The following SLC9A5 variants were observed in gnomAD, a reference collection of about 807,000 sequenced individuals.
The protein encoded by SLC9A5 is sodium/hydrogen exchanger 5.
In SLC9A5, 52 loss-of-function variants were observed where a neutral mutation model predicts 91.7. The observed-to-expected ratio is 0.57, with a 90% CI of 0.45 to 0.71. SLC9A5 has a LOEUF of 0.71. Ranked by LOEUF, SLC9A5 falls within the 30% of genes least tolerant of loss-of-function variation. The pLI is 0.00. For synonymous variants in SLC9A5, 419 were observed against 474.5 expected (o/e 0.88, Z 1.52); for missense variants, 871 against 1,158.9 (o/e 0.75, Z 3.61).
Position 67,266,175 on chromosome 16 carries a change from T to C in SLC9A5, c.2168T>C (p.Ile723Thr). The change falls in exon 15 of 16, where the codon ATC becomes ACC. Residue 723 changes from isoleucine (I) to threonine (T), a missense_variant. Transcript: ENST00000299798. Reference protein sequence around the residue: ...ETEKEDDEGIIFVARATSEVL... With the variant: ...ETEKEDDEGITFVARATSEVL... ...GAGAAGGAGGACGATGAGGGGATCA[T>C]CTTTGTGGCTCGTGCCACCAGTGAG... 1.9e-6 allele frequency: 3 copies of C among 1,609,880 alleles called. No homozygotes were observed. The highest frequency in any genetic ancestry group is 2.5e-6 in the Non-Finnish European group (3 of 1,178,138).
Position 67,255,712 on chromosome 16 carries a change from T to C in SLC9A5, c.734-41T>C. 1.3e-6 allele frequency: 2 copies of C among 1,521,692 alleles called. No homozygotes were observed. Among genetic ancestry groups the C allele is most frequent in the Non-Finnish European group, 1.8e-6 (2 of 1,130,610 alleles). The allele number at this position is 1,521,692 out of a possible 1,614,324, so 94.3% of individuals were successfully genotyped here. On this transcript the variant is annotated intron_variant, in intron 4 of 15. Coordinates refer to ENST00000299798, the MANE Select transcript of SLC9A5 (RefSeq NM_004594.3). This position sits in a 1 kb window ranked among gnomAD's most constrained non-coding sequence, Gnocchi z 4.9. ...AGCAGTCTTGTCAGCCCGGGTAGGG[T>C]CCGGGCCAGGGGTCATGCTGACAAC... is the stretch of plus-strand genomic sequence containing the variant.
At chr16:67,265,962 G>T in intron 14 of SLC9A5, 126 bp from the exon 15 acceptor site, 1 of 1,266,510 alleles carries the variant, frequency 7.9e-7, no homozygotes, top group East Asian at 2.7e-5. Context: ...ACAGCCAGAG[G>T]AGAAAGCAAG....
At chr16:67,263,577 G>A (rs1041956304) in intron 12 of SLC9A5, 1 of 152,362 alleles carries the variant, frequency 6.6e-6, no homozygotes, top group African/African-American at 2.4e-5. Context: ...TTGAGGTCAG[G>A]AGTTCGAGAC....
chr16:67,269,546 C>A (rs1033508874), intron 15 of SLC9A5, among the ~76,000 whole-genome samples: 2 of 152,180 alleles, frequency 1.3e-5, no homozygotes, highest in African/African-American at 2.4e-5. Context: ...CCAAAGAATT[C>A]ATTCCCTAGC....
Position 67,257,295 on chromosome 16 carries a change from C to T in SLC9A5, c.1336-50C>T, listed in dbSNP as rs377452530. On this transcript the variant is annotated intron_variant, in intron 7 of 15. Transcript: ENST00000299798. This position sits in a 1 kb window ranked among gnomAD's most constrained non-coding sequence, Gnocchi z 5.1. ...CCTCATTACGGGGAGAGAAAGGCAG[C>T]AGGGAACTGAATAGGAATAGGGCAG... 110 of 1,507,512 alleles carry T rather than the reference C, an allele frequency of 7.3e-5. No homozygotes were observed. The highest frequency in any genetic ancestry group is 9.8e-5 in the Non-Finnish European group (106 of 1,083,778). The allele number at this position is 1,507,512 out of a possible 1,614,324, so 93.4% of individuals were successfully genotyped here.
chr16:67,252,560 A>C lies in SLC9A5; in HGVS notation c.206A>C (p.Lys69Thr). ...ATTGCAGTGTTTCACCTGTCTCGGA[A>C]AGTAACATCTCTGGTCCCTGAGAGC... ...LAKIVFHLSR[K>T]VTSLVPESCL... The change falls in exon 2 of 16, where the codon AAA (lysine) becomes ACA (threonine). Residue 69 changes from lysine (K) to threonine (T), a missense_variant. Around this residue, in one of 3 missense-constraint regions of SLC9A5, gnomAD observed 122 missense variants for 114.5 expected, o/e 1.07. Coordinates refer to ENST00000299798, the MANE Select transcript of SLC9A5 (RefSeq NM_004594.3). The surrounding 1 kb of genome is among the most constrained non-coding windows in gnomAD (Gnocchi z 4.0). The C allele has an allele frequency of 1.9e-6, 3 of 1,612,870 alleles. No homozygotes were observed. The highest frequency in any genetic ancestry group is 2.5e-6 in the Non-Finnish European group (3 of 1,179,416).
rs2035353540 is a variant in SLC9A5, at chr16:67,257,249, G to A, written c.1336-96G>A. The A allele has an allele frequency of 1.5e-6, 2 of 1,362,558 alleles. No individual in the cohort carries two copies. Among genetic ancestry groups the A allele is most frequent in the Non-Finnish European group, 2.1e-6 (2 of 959,590 alleles). 84.4% of individuals were successfully genotyped at this position (1,362,558 alleles called of 1,614,324 possible). Reference sequence around the variant, plus strand: ...CTTCCCAGACCTTGAGTGCAGTGGGGTAGGGGTACTGAAGCTGAAGCCTCA... The same window carrying A: ...CTTCCCAGACCTTGAGTGCAGTGGGATAGGGGTACTGAAGCTGAAGCCTCA... On this transcript the variant is annotated intron_variant, in intron 7 of 15. Transcript: ENST00000299798. This position sits in a 1 kb window ranked among gnomAD's most constrained non-coding sequence, Gnocchi z 5.1.
intron 12 of SLC9A5, among the ~76,000 whole-genome samples, chr16:67,260,154 G>T (rs1360098607): frequency 6.6e-6 from 1 of 151,920 alleles, no homozygotes; most frequent in Non-Finnish European, 1.5e-5. Flanking sequence ...TTTGAGACCA[G>T]CCTGGCCAAC....
chr16:67,265,599 T>A (rs2035672293), intron 14 of SLC9A5, among the ~76,000 whole-genome samples: 1 of 152,124 alleles, frequency 6.6e-6, no homozygotes, highest in Non-Finnish European at 1.5e-5. Context: ...TTTTTTGTAT[T>A]TTTGGTAGAG....
rs573809418 is a variant in SLC9A5 at position 67,255,727 on chromosome 16, A to G, written c.734-26A>G. 10 of 1,540,664 alleles carry G rather than the reference A, an allele frequency of 6.5e-6. No homozygotes were observed. The South Asian group carries it at 1.1e-4, about 16-fold the overall frequency. ...CCGGGTAGGGTCCGGGCCAGGGGTC[A>G]TGCTGACAACCCACTCCTCCCCCAG... On this transcript the variant is annotated intron_variant, in intron 4 of 15. Transcript: ENST00000299798. This position sits in a 1 kb window ranked among gnomAD's most constrained non-coding sequence, Gnocchi z 4.9.
In SLC9A5 at chr16:67,268,698, ATATATATATATATT is replaced by A. The variant is rs1283124302; in HGVS notation, c.2219-2038_2219-2025del. Among the ~76,000 whole-genome samples the A allele has an allele frequency of 2.3e-3, 199 of 84,836 alleles. 5 individuals carry two copies. Among genetic ancestry groups the A allele is most frequent in the South Asian group, 8.2e-3 (20 of 2,442 alleles). The allele number at this position is 84,836 out of a possible 152,430, so 55.7% of individuals were successfully genotyped here. On this transcript the variant is annotated intron_variant, in intron 15 of 15. Coordinates refer to ENST00000299798, the MANE Select transcript of SLC9A5 (RefSeq NM_004594.3). Reference sequence around the variant, plus strand: ...TATATATATATATATATATATATATATATATATATATATTTTTACAGTAGGCTTGTCCAATGTCC... The same window carrying A: ...TATATATATATATATATATATATATATTTACAGTAGGCTTGTCCAATGTCC...
At chr16:67,264,960 G>C in intron 13 of SLC9A5, 80 bp from the exon 14 acceptor site, 1 of 1,445,418 alleles carries the variant, frequency 6.9e-7, no homozygotes, top group East Asian at 2.3e-5. Flanking sequence ...AGGAAAACTT[G>C]TCCTGTTGAC....
At chr16:67,261,940 G>GTGTGTGTA (rs1201530250) in intron 12 of SLC9A5, 7 of 236,832 alleles carry the variant, frequency 3.0e-5, no homozygotes, top group Non-Finnish European at 8.6e-6. Flanking sequence ...GTGTGTGTGT[G>GTGTGTGTA]TGTGTGTGTG....
rs186121912 is a variant in SLC9A5, at chr16:67,259,595, C to T, written c.1649C>T (p.Thr550Ile). The T allele has an allele frequency of 1.9e-6, 3 of 1,614,152 alleles. No homozygotes were observed. Among genetic ancestry groups the T allele is most frequent in the Admixed American group, 3.3e-5 (2 of 60,024 alleles). ...CAGGGAGGCCACGTCTTGTCTTCCACAGGTCTCACTCTGCCTTCTATGCCC... is the reference window on the plus strand; with the variant it reads ...CAGGGAGGCCACGTCTTGTCTTCCATAGGTCTCACTCTGCCTTCTATGCCC... ...VDQGGHVLSS[T>I]GLTLPSMPSR... Residue 550 changes from threonine to isoleucine, a missense_variant, in exon 11 of 16, where the codon ACA becomes ATA. Physicochemically the swap from Thr to Ile is moderately conservative, Grantham distance 89. Transcript: ENST00000299798.
intron 12 of SLC9A5, chr16:67,263,281 T>C (rs1597358983): frequency 6.6e-6 from 1 of 152,010 alleles, no homozygotes; most frequent in East Asian, 1.9e-4. Flanking sequence ...GATGGAAGAC[T>C]TGAAGGGGGC....
In SLC9A5 at chr16:67,256,995, G is replaced by A. The variant is rs764367624; in HGVS notation, c.1217G>A (p.Gly406Asp). ...KIDQVVMSYG[G>D]LRGAVAFALV... The stretch of plus-strand genomic sequence containing the variant: ...GACCAAGTGGTGATGTCCTATGGGG[G>A]CCTGCGGGGGGCTGTGGCCTTTGCT... Residue 406 changes from glycine (G) to aspartate (D), a missense_variant, in exon 7 of 16, where the codon GGC becomes GAC. By Grantham distance (94) the Gly-to-Asp change is moderately conservative (BLOSUM62 -1). This residue lies in a region of SLC9A5 where 454 missense variants were observed against 718.3 expected (regional missense o/e 0.63). Coordinates refer to ENST00000299798, the MANE Select transcript of SLC9A5 (RefSeq NM_004594.3). This position sits in a 1 kb window ranked among gnomAD's most constrained non-coding sequence, Gnocchi z 4.1. 1.2e-6 allele frequency: 2 copies of A among 1,614,112 alleles called. No individual in the cohort carries two copies. The highest frequency in any genetic ancestry group is 1.1e-5 in the South Asian group (1 of 91,086).
chr16:67,253,155 G>A (rs370630413), intron 2 of SLC9A5, among the ~76,000 whole-genome samples: 3 of 152,062 alleles, frequency 2.0e-5, no homozygotes, highest in African/African-American at 7.2e-5. Flanking sequence ...TTGCCAGCCC[G>A]TCTCCCCTGA....
At position 67,257,391 on chromosome 16, in the gene SLC9A5, G is replaced by A. The variant is rs181872913; in HGVS notation, c.1382G>A (p.Ser461Asn). 32 of 1,614,188 alleles carry A rather than the reference G, an allele frequency of 2.0e-5. No homozygotes were observed. In the Admixed American group the frequency reaches 3.2e-4, roughly 16 times the overall value. ...GTCAAATGGCTGAAGGTGAAGAGGA[G>A]TGAGCATCACAAACCCACCCTGAAC... ...PLVKWLKVKRSEHHKPTLNQE... is the reference protein window; with the variant it reads ...PLVKWLKVKRNEHHKPTLNQE... Residue 461 changes from serine (S) to asparagine (N), a missense_variant, in exon 8 of 16, where the codon AGT (serine) becomes AAT (asparagine). By Grantham distance (46) the Ser-to-Asn change is conservative. This residue lies in a region of SLC9A5 where 454 missense variants were observed against 718.3 expected (regional missense o/e 0.63). Transcript: ENST00000299798. The surrounding 1 kb of genome is among the most constrained non-coding windows in gnomAD (Gnocchi z 5.1).
At chr16:67,262,000 C>T (rs1467971037) in intron 12 of SLC9A5, 3 of 290,982 alleles carry the variant, frequency 1.0e-5, no homozygotes, top group Non-Finnish European at 2.1e-5. Context: ...GGGTTCAGTC[C>T]AATCGGTTCA....
Sources: gnomAD v4.1 joint callset for allele counts (sites outside exome capture counted in the v4.1 genomes callset) on GRCh38, gnomAD v4.1.1 for gene constraint, gnomAD v4.1.1 regional missense constraint, Gnocchi (gnomAD v3.1) non-coding constraint, MANE v1.5 for transcripts, NCBI Gene and HGNC (gene_info 2026-07-23, HGNC 2026-07-21) for gene names.